Variants in KCNH8 observed in about 807,000 individuals in gnomAD.
The protein encoded by KCNH8 is voltage-gated delayed rectifier potassium channel KCNH8.
KCNH8 carries 70 observed loss-of-function variants against 103.6 expected under a neutral mutation model. The observed-to-expected ratio is 0.68, with a 90% CI of 0.56 to 0.82. The LOEUF is 0.82. Among genes scored for constraint, KCNH8 ranks in the 40% least tolerant of loss-of-function variants. The probability of loss-of-function intolerance (pLI) is 0.00; values close to 1 mark genes in which losing one functional copy is unlikely to be tolerated. For synonymous variants in KCNH8, 498 were observed against 489.4 expected (o/e 1.02, Z -0.23); for missense variants, 1,217 against 1,329.9 (o/e 0.92, Z 1.32).
At chr3:19,230,751 CA>C (rs919469953) in intron 1 of KCNH8, among the ~76,000 whole-genome samples, 6 of 152,172 alleles carry the variant, frequency 3.9e-5, no homozygotes, top group Middle Eastern at 3.4e-3. Flanking sequence ...CTGAAGAAAA[CA>C]AGGACAGTGT....
At chr3:19,325,168 C>T (rs184172229) in intron 3 of KCNH8, among the ~76,000 whole-genome samples, 30 of 152,230 alleles carry the variant, frequency 2.0e-4, no homozygotes, top group South Asian at 6.2e-4. Context: ...TGAAACTGGA[C>T]GTCTTCCTTA....
chr3:19,158,133 T>C lies in KCNH8; in HGVS notation c.76+9338T>C, dbSNP rs7638327. On this transcript the variant is annotated intron_variant, in intron 1 of 15. Transcript: ENST00000328405. ...AATTTTTTTCTCCTCCATTAATAAGTTCTGTAACTTTTACTTTCAAATTCC... is the reference window on the plus strand; with the variant it reads ...AATTTTTTTCTCCTCCATTAATAAGCTCTGTAACTTTTACTTTCAAATTCC... Among the ~76,000 whole-genome samples, 1,505 of 151,674 alleles carry C rather than the reference T, an allele frequency of 9.9e-3. 28 individuals carry two copies. Among genetic ancestry groups the C allele is most frequent in the African/African-American group, 0.034 (1,393 of 41,536 alleles).
At chr3:19,175,488 C>A (rs931112515) in intron 1 of KCNH8, among the ~76,000 whole-genome samples, 3 of 152,170 alleles carry the variant, frequency 2.0e-5, no homozygotes, top group African/African-American at 7.2e-5. Flanking sequence ...GGATTACAGG[C>A]GTGAGCCCCC....
intron 2 of KCNH8, among the ~76,000 whole-genome samples, chr3:19,269,790 C>T (rs2064562464): frequency 6.6e-6 from 1 of 152,154 alleles, no homozygotes. Context: ...AGAGATCCCT[C>T]TAGGCCATTG....
chr3:19,397,411 C>T (rs2066536347), intron 7 of KCNH8, among the ~76,000 whole-genome samples: 2 of 151,374 alleles, frequency 1.3e-5, no homozygotes, highest in African/African-American at 4.9e-5. Flanking sequence ...AAAAAGCTCA[C>T]CATATAATTT....
At chr3:19,514,322 G>A (rs1046904901) in intron 13 of KCNH8, among the ~76,000 whole-genome samples, 8 of 151,794 alleles carry the variant, frequency 5.3e-5, no homozygotes, top group Admixed American at 6.6e-5. Context: ...AAAAGTAGGC[G>A]GATGATATAT....
Position 19,439,455 on chromosome 3 carries a change from G to T in KCNH8, c.1375+1094G>T, listed in dbSNP as rs1193749824. Among the ~76,000 whole-genome samples the T allele has an allele frequency of 2.0e-5, 3 of 152,158 alleles. No individual in the cohort carries two copies. The East Asian group carries it at 5.8e-4, about 29-fold the overall frequency. On this transcript the variant is annotated intron_variant, in intron 8 of 15. Coordinates refer to ENST00000328405, the MANE Select transcript of KCNH8 (RefSeq NM_144633.3). ...GAGGAGAGATGGGAAGACTTGACAAGAGGGTCTAGCATGTCAAATCTCAGA... is the reference window on the plus strand; with the variant it reads ...GAGGAGAGATGGGAAGACTTGACAATAGGGTCTAGCATGTCAAATCTCAGA...
In KCNH8 at chr3:19,484,404, T is replaced by C. The variant is rs144917795; in HGVS notation, c.2041-25959T>C. Reference sequence around the variant, plus strand: ...TAGTCTTTCATGCGGGGAAAATCAGTGGAAGTTTTTACTATACAAGTCCAA... The same window carrying C: ...TAGTCTTTCATGCGGGGAAAATCAGCGGAAGTTTTTACTATACAAGTCCAA... On this transcript the variant is annotated intron_variant, in intron 11 of 15. Transcript: ENST00000328405. 7.9e-4 allele frequency among the ~76,000 whole-genome samples: 120 copies of C among 152,280 alleles called. 1 individual carries two copies. The highest frequency in any genetic ancestry group is 6.8e-3 in the Middle Eastern group (2 of 294).
intron 5 of KCNH8, among the ~76,000 whole-genome samples, chr3:19,375,472 C>G (rs1345013703): frequency 1.1e-4 from 16 of 150,968 alleles, no homozygotes; most frequent in Middle Eastern, 3.5e-3. Flanking sequence ...CCTTTAAGCA[C>G]TTCTCTGTAT....
At chr3:19,379,236 TA>T (rs2066255474) in intron 5 of KCNH8, among the ~76,000 whole-genome samples, 1 of 152,240 alleles carries the variant, frequency 6.6e-6, no homozygotes, top group South Asian at 2.1e-4. Flanking sequence ...TGGCAATCCT[TA>T]AACAAATTAA....
At chr3:19,251,447 T>C (rs2064276901) in intron 1 of KCNH8, among the ~76,000 whole-genome samples, 1 of 152,054 alleles carries the variant, frequency 6.6e-6, no homozygotes, top group Non-Finnish European at 1.5e-5. Context: ...GGCAGGGTGC[T>C]GATGCTTACA....
chr3:19,422,299 A>G (rs1336684155), intron 7 of KCNH8, among the ~76,000 whole-genome samples: 1 of 152,134 alleles, frequency 6.6e-6, no homozygotes, highest in Non-Finnish European at 1.5e-5. Context: ...TTTTATAATG[A>G]AAATTGTCAA....
intron 7 of KCNH8, among the ~76,000 whole-genome samples, chr3:19,398,098 G>C (rs1486194923): frequency 6.6e-6 from 1 of 151,900 alleles, no homozygotes; most frequent in Non-Finnish European, 1.5e-5. Context: ...TATAAAAATA[G>C]ATTCAGTTTC....
At chr3:19,178,097 G>A (rs2063417730) in intron 1 of KCNH8, among the ~76,000 whole-genome samples, 1 of 152,036 alleles carries the variant, frequency 6.6e-6, no homozygotes, top group East Asian at 1.9e-4. Context: ...GCACAGGGAA[G>A]TAAATGCAGT....
chr3:19,344,021 T>G (rs2065697145), intron 4 of KCNH8, among the ~76,000 whole-genome samples: 1 of 151,316 alleles, frequency 6.6e-6, no homozygotes, highest in Non-Finnish European at 1.5e-5. Flanking sequence ...AATATAAAGT[T>G]TCTCTAGGGA....
intron 1 of KCNH8, among the ~76,000 whole-genome samples, chr3:19,194,833 A>C (rs1009437005): frequency 1.3e-5 from 2 of 151,900 alleles, no homozygotes; most frequent in African/African-American, 4.8e-5. Flanking sequence ...TTTAAATACT[A>C]AGTGGTGTGA....
intron 7 of KCNH8, among the ~76,000 whole-genome samples, chr3:19,437,384 GGTT>G (rs1450896917): frequency 8.6e-5 from 13 of 151,946 alleles, no homozygotes; most frequent in Non-Finnish European, 1.8e-4. Flanking sequence ...TATTAATATA[GGTT>G]GTTTACAGCT....
At chr3:19,404,671 A>G (rs1198299106) in intron 7 of KCNH8, among the ~76,000 whole-genome samples, 3 of 151,934 alleles carry the variant, frequency 2.0e-5, no homozygotes, top group Non-Finnish European at 2.9e-5. Context: ...CTAAAAGGTA[A>G]TATGAACATT....
intron 5 of KCNH8, among the ~76,000 whole-genome samples, chr3:19,381,253 C>T (rs1306913916): frequency 6.6e-6 from 1 of 151,912 alleles, no homozygotes; most frequent in Non-Finnish European, 1.5e-5. Context: ...TGATCATGAA[C>T]ACCTGATTTA....
Sources: allele counts gnomAD v4.1 joint callset (sites outside exome capture counted in the v4.1 genomes callset), GRCh38; gene constraint gnomAD v4.1.1; transcripts MANE v1.5; gene names NCBI Gene and HGNC (gene_info 2026-07-23, HGNC 2026-07-21).